Variants in SNX30 observed in about 807,000 individuals in gnomAD.
SNX30 encodes the protein sorting nexin-30.
In SNX30, 24 loss-of-function variants were observed where a neutral mutation model predicts 46.4. The ratio of observed to expected loss-of-function variants is 0.52; its 90% confidence interval spans 0.37 to 0.73. The LOEUF (loss-of-function observed/expected upper bound fraction) is 0.73. Among genes scored for constraint, SNX30 ranks in the 30% least tolerant of loss-of-function variants. SNX30 has a pLI of 0.00. For synonymous variants in SNX30, 189 were observed against 211.5 expected (o/e 0.89, Z 0.92); for missense variants, 533 against 555.7 (o/e 0.96, Z 0.41).
chr9:112,865,011 ACCCCAC>A (rs1841298406), intron 8 of SNX30, among the ~76,000 whole-genome samples: 1 of 149,460 alleles, frequency 6.7e-6, no homozygotes. Flanking sequence ...ACACCCACAC[ACCCCAC>A]TACCACCACC....
At chr9:112,864,533 G>C in intron 8 of SNX30, 134 bp downstream of exon 8, 2 of 1,194,872 alleles carry the variant, frequency 1.7e-6, no homozygotes, top group Admixed American at 2.0e-5. Flanking sequence ...CTTGGCTCCC[G>C]CTTCATGCCC....
intron 2 of SNX30, 90 bp downstream of exon 2, chr9:112,805,057 AT>A: frequency 3.2e-6 from 3 of 939,094 alleles, no homozygotes; most frequent in Non-Finnish European, 4.7e-6. Context: ...TCTCCCCCTT[AT>A]TGTACAACTC....
At chr9:112,778,891 TGG>T (rs11288719) in intron 1 of SNX30, among the ~76,000 whole-genome samples, 49 of 130,958 alleles carry the variant, frequency 3.7e-4, no homozygotes, top group African/African-American at 7.7e-4. Context: ...TGAGAGAACT[TGG>T]GGGGGGGGGA....
At chr9:112,757,688 T>G (rs1473721487) in intron 1 of SNX30, among the ~76,000 whole-genome samples, 1 of 152,154 alleles carries the variant, frequency 6.6e-6, no homozygotes, top group Non-Finnish European at 1.5e-5. Context: ...GCTTTCCAGG[T>G]CTCTGAGTCA....
chr9:112,841,172 A>AAATCC, intron 6 of SNX30, among the ~76,000 whole-genome samples: 1 of 152,354 alleles, frequency 6.6e-6, no homozygotes, highest in Non-Finnish European at 1.5e-5. Context: ...GCCAGATGAA[A>AAATCC]AATCCAATGC....
intron 1 of SNX30, among the ~76,000 whole-genome samples, chr9:112,751,434 C>A (rs905343406): frequency 2.6e-5 from 4 of 152,132 alleles, no homozygotes; most frequent in Non-Finnish European, 1.5e-5. Context: ...GAGCGGGAGG[C>A]GTGTGTTCAG....
At chr9:112,757,591 T>A (rs1839370896) in intron 1 of SNX30, among the ~76,000 whole-genome samples, 1 of 152,240 alleles carries the variant, frequency 6.6e-6, no homozygotes. Context: ...TTTTCCATAA[T>A]GGCTGTACCA....
chr9:112,762,659 G>A (rs1839461281), intron 1 of SNX30, among the ~76,000 whole-genome samples: 2 of 152,234 alleles, frequency 1.3e-5, no homozygotes, highest in Non-Finnish European at 2.9e-5. Flanking sequence ...AAAGGCCACA[G>A]CAGTGCTAAG....
At chr9:112,758,801 A>G (rs1160074950) in intron 1 of SNX30, among the ~76,000 whole-genome samples, 1 of 152,036 alleles carries the variant, frequency 6.6e-6, no homozygotes, top group Non-Finnish European at 1.5e-5. Flanking sequence ...GCTGGAGGCC[A>G]GGAGTTTGAG....
chr9:112,811,096 G>A (rs1242872151), intron 2 of SNX30, among the ~76,000 whole-genome samples: 4 of 152,198 alleles, frequency 2.6e-5, no homozygotes, highest in Non-Finnish European at 5.9e-5. Flanking sequence ...AGAGAGCTTG[G>A]CAGAAAGATC....
chr9:112,879,503 T>C, downstream of SNX30: 1 of 451,684 alleles, frequency 2.2e-6, no homozygotes, highest in South Asian at 3.3e-5. Context: ...CTTAAGGTCA[T>C]GCTCTGCTGT....
exon 5 of SNX30, chr9:112,880,249 T>G (rs1841560364): frequency 1.4e-5 from 2 of 140,074 alleles, no homozygotes; most frequent in African/African-American, 5.3e-5. Context: ...GAGAATCACT[T>G]GAACCTGGGA....
chr9:112,779,251 CTG>C (rs1054944771), intron 1 of SNX30, among the ~76,000 whole-genome samples: 3 of 152,212 alleles, frequency 2.0e-5, no homozygotes, highest in Non-Finnish European at 4.4e-5. Context: ...GACGGATAGA[CTG>C]TGTGAGTGGG....
At chr9:112,839,040 A>T (rs145581003) in intron 6 of SNX30, among the ~76,000 whole-genome samples, 7 of 152,344 alleles carry the variant, frequency 4.6e-5, no homozygotes, top group African/African-American at 1.4e-4. Context: ...CTGAATAATC[A>T]AGTTGGAAGG....
intron 3 of SNX30, among the ~76,000 whole-genome samples, chr9:112,818,804 A>G (rs1400563470): frequency 1.3e-5 from 2 of 152,138 alleles, no homozygotes; most frequent in Admixed American, 6.5e-5. Flanking sequence ...CAGTTTTCTC[A>G]GTTTTCAGGG....
At chr9:112,783,289 A>G (rs1839873807) in intron 1 of SNX30, among the ~76,000 whole-genome samples, 1 of 152,090 alleles carries the variant, frequency 6.6e-6, no homozygotes, top group South Asian at 2.1e-4. Flanking sequence ...TAGCTGAGTG[A>G]CTTCTTGTCT....
intron 2 of SNX30, among the ~76,000 whole-genome samples, chr9:112,809,699 A>G (rs1840287947): frequency 6.6e-6 from 1 of 152,180 alleles, no homozygotes; most frequent in African/African-American, 2.4e-5. Context: ...TTAATGACAC[A>G]GTTATTGCTG....
intron 1 of SNX30, among the ~76,000 whole-genome samples, chr9:112,777,195 G>A (rs1238119365): frequency 2.6e-5 from 4 of 151,808 alleles, no homozygotes; most frequent in African/African-American, 4.8e-5. Context: ...TTGATTGATG[G>A]CATCCGTTCC....
At chr9:112,834,882 A>ACACACACACACACACAC (rs56385707) in intron 4 of SNX30, among the ~76,000 whole-genome samples, 5 of 105,236 alleles carry the variant, frequency 4.8e-5, no homozygotes, top group African/African-American at 1.2e-4. Context: ...ACACACACAC[A>ACACACACACACACACAC]CCTACCTCAA....
Sources: allele counts gnomAD v4.1 joint callset (sites outside exome capture counted in the v4.1 genomes callset), GRCh38; gene constraint gnomAD v4.1.1; transcripts MANE v1.5; gene names NCBI Gene and HGNC (gene_info 2026-07-23, HGNC 2026-07-21).